CALD1: variants seen among roughly 807,000 people sequenced by gnomAD.
CALD1 encodes caldesmon 1.
In CALD1, 33 loss-of-function variants were observed where a neutral mutation model predicts 99.9. That is an observed-to-expected ratio of 0.33 (90% CI 0.25 to 0.44). The LOEUF is 0.44. CALD1 is among the 20% of genes least tolerant of loss of function. The pLI is 1.00. For missense variants in CALD1, 861 were observed against 962.1 expected, an observed-to-expected ratio of 0.89 and a Z score of 1.39; for synonymous variants, 310 against 325.0, an observed-to-expected ratio of 0.95 and a Z score of 0.50.
At chr7:134,813,108 T>C (rs1000538775) in intron 1 of CALD1, among the ~76,000 whole-genome samples, 1 of 152,168 alleles carries the variant, frequency 6.6e-6, no homozygotes, top group Non-Finnish European at 1.5e-5. Flanking sequence ...AATTGAGAAT[T>C]GATCATTGGC....
intron 13 of CALD1, 142 bp from the exon 14 acceptor site, chr7:134,965,164 C>G (rs193142241): frequency 3.2e-6 from 2 of 630,694 alleles, no homozygotes; most frequent in East Asian, 5.3e-5. Flanking sequence ...ATGGTCCTTT[C>G]AATTCCATTT....
the CALD1 span, among the ~76,000 whole-genome samples, chr7:134,721,029 T>C: frequency 3.9e-5 from 6 of 152,146 alleles, no homozygotes; most frequent in Non-Finnish European, 5.9e-5. Context: ...AAAGCTGTGG[T>C]CTGCCTAACA....
chr7:134,748,710 C>CA (rs1349566033), intron 1 of CALD1, among the ~76,000 whole-genome samples: 1 of 80,364 alleles, frequency 1.2e-5, no homozygotes, highest in African/African-American at 4.7e-5. Flanking sequence ...AAACTCCATC[C>CA]CCCCGCCCCC....
rs1444074541 is a variant in CALD1, at chr7:134,970,345, G to C, written c.*2000G>C. 6.6e-6 allele frequency: 1 copy of C among 152,328 alleles called. No homozygotes were observed. The highest frequency in any genetic ancestry group is 1.5e-5 in the Non-Finnish European group (1 of 68,046). The allele number at this position is 152,328 out of a possible 1,614,324, so 9.4% of individuals were successfully genotyped here. A position where few individuals can be genotyped will look rare whatever the true frequency, so the allele number is the denominator to read the frequency against. On this transcript the variant is annotated 3_prime_UTR_variant, in exon 15 of 15. Coordinates refer to ENST00000361675, the MANE Select transcript of CALD1 (RefSeq NM_033138.4). ...ATTTTTCTAGAAAATCTAAAGTTCA[G>C]AAGAGAATGTATCACTGCTGACTTT... is the stretch of plus-strand genomic sequence containing the variant.
intron 1 of CALD1, among the ~76,000 whole-genome samples, chr7:134,748,379 A>G (rs372534244): frequency 1.3e-5 from 2 of 152,214 alleles, no homozygotes; most frequent in East Asian, 3.9e-4. Context: ...TTAAAACTTC[A>G]GGGCTCATGG....
At chr7:134,953,156 A>AT (rs370300183) in intron 9 of CALD1, among the ~76,000 whole-genome samples, 24 of 151,400 alleles carry the variant, frequency 1.6e-4, no homozygotes, top group African/African-American at 2.7e-4. Context: ...TCTTCTTTTG[A>AT]TTTTTTTTTA....
At chr7:134,938,922 G>A (rs1806210394) in intron 6 of CALD1, among the ~76,000 whole-genome samples, 1 of 152,172 alleles carries the variant, frequency 6.6e-6, no homozygotes, top group Non-Finnish European at 1.5e-5. Flanking sequence ...GGGGAGAATG[G>A]AAATTTTTCT....
intron 1 of CALD1, among the ~76,000 whole-genome samples, chr7:134,810,755 T>C (rs539953508): frequency 3.3e-5 from 5 of 152,120 alleles, no homozygotes; most frequent in Admixed American, 3.3e-4. Flanking sequence ...GCATTCTCAG[T>C]CTGAGAATGC....
At chr7:134,777,395 T>TA (rs948730342), upstream of CALD1, among the ~76,000 whole-genome samples, 1 of 152,212 alleles carries the variant, frequency 6.6e-6, no homozygotes, top group Non-Finnish European at 1.5e-5. Context: ...CTATTTTTTT[T>TA]ATCAAAAGAC....
At chr7:134,899,114 A>G (rs1329271543) in intron 3 of CALD1, among the ~76,000 whole-genome samples, 6 of 151,974 alleles carry the variant, frequency 3.9e-5, no homozygotes, top group Non-Finnish European at 8.8e-5. Context: ...TACTTTCCTC[A>G]TTTATCTTTC....
chr7:134,785,731 G>A (rs1386483955), intron 1 of CALD1, among the ~76,000 whole-genome samples: 1 of 152,150 alleles, frequency 6.6e-6, no homozygotes, highest in Non-Finnish European at 1.5e-5. Context: ...GGAGTCAGGA[G>A]GCAAAACATA....
chr7:134,713,871 G>C, the CALD1 span, among the ~76,000 whole-genome samples: 6 of 152,138 alleles, frequency 3.9e-5, no homozygotes, highest in African/African-American at 1.4e-4. Flanking sequence ...AACTGGGGAG[G>C]GTTGGTGATA....
chr7:134,831,865 T>TA (rs976594762), intron 1 of CALD1, among the ~76,000 whole-genome samples: 7 of 152,030 alleles, frequency 4.6e-5, no homozygotes, highest in African/African-American at 1.7e-4. Flanking sequence ...GAAAAAGAGA[T>TA]AGAGGCAAGT....
intron 3 of CALD1, among the ~76,000 whole-genome samples, chr7:134,878,780 AG>A (rs201286580): frequency 0.024 from 3,700 of 151,952 alleles, 83 homozygotes; most frequent in Middle Eastern, 0.044. Context: ...TGAGCAACAT[AG>A]GAAGACCTCA....
intron 1 of CALD1, among the ~76,000 whole-genome samples, chr7:134,795,939 C>A (rs1411372148): frequency 2.0e-5 from 3 of 152,188 alleles, no homozygotes; most frequent in Admixed American, 6.5e-5. Context: ...GTCTGAGTAA[C>A]TGGGAAACAA....
chr7:134,896,072 T>C (rs925356439), intron 3 of CALD1, among the ~76,000 whole-genome samples: 1 of 152,138 alleles, frequency 6.6e-6, no homozygotes, highest in African/African-American at 2.4e-5. Context: ...CTGGCTCATA[T>C]CCCTGCCCTC....
At chr7:134,959,846 C>G (rs1159701400) in intron 11 of CALD1, 128 bp from the exon 12 acceptor site, 1 of 895,306 alleles carries the variant, frequency 1.1e-6, no homozygotes, top group East Asian at 2.5e-5. Context: ...AATTATCACT[C>G]TCATTTTTGG....
intron 1 of CALD1, among the ~76,000 whole-genome samples, chr7:134,767,185 C>G (rs1332890196): frequency 7.3e-6 from 1 of 136,198 alleles, no homozygotes; most frequent in Non-Finnish European, 1.6e-5. Context: ...CACTCTCTCT[C>G]TCTCTGTCTC....
At chr7:134,942,712 T>A (rs1806544539) in intron 7 of CALD1, among the ~76,000 whole-genome samples, 1 of 152,228 alleles carries the variant, frequency 6.6e-6, no homozygotes, top group African/African-American at 2.4e-5. Flanking sequence ...TACCTAATAT[T>A]ACTATTTTTT....
Sources: allele counts gnomAD v4.1 joint callset (sites outside exome capture counted in the v4.1 genomes callset), GRCh38; gene constraint gnomAD v4.1.1; transcripts MANE v1.5; gene names NCBI Gene and HGNC (gene_info 2026-07-23, HGNC 2026-07-21).